Variants in ADCY5 observed in about 807,000 individuals in gnomAD.
The protein encoded by ADCY5 is adenylate cyclase type 5.
ADCY5 carries 30 observed loss-of-function variants against 119.7 expected under a neutral mutation model. The observed-to-expected ratio is 0.25, with a 90% CI of 0.19 to 0.34. The LOEUF (loss-of-function observed/expected upper bound fraction) is 0.34, where lower values mean the gene tolerates loss of function less well. Among genes scored for constraint, ADCY5 ranks in the 10% least tolerant of loss-of-function variants. The pLI is 1.00. For missense variants in ADCY5, 1,324 were observed against 1,775.2 expected (o/e 0.75, Z 4.57); for synonymous variants, 753 against 762.2 (o/e 0.99, Z 0.20).
intron 1 of ADCY5, among the ~76,000 whole-genome samples, chr3:123,387,974 T>C (rs1044306529): frequency 1.3e-5 from 2 of 152,128 alleles, no homozygotes; most frequent in Non-Finnish European, 2.9e-5. Flanking sequence ...TTGAGGTGGG[T>C]TCTGGAATGC....
rs370108054 is a variant in ADCY5 at position 123,289,663 on chromosome 3, C to T, written c.3532+87G>A. ...GCCTTCTACCTTGGGACCACAATGG[C>T]GGATGCGGTATGGGGTATGGGGGAG... is the stretch of plus-strand genomic sequence containing the variant. On this transcript the variant is annotated intron_variant, in intron 19 of 20. Transcript: ENST00000462833. 113 of 1,481,400 alleles carry T rather than the reference C, an allele frequency of 7.6e-5. 1 individual carries two copies. The highest frequency in any genetic ancestry group is 5.1e-4 in the South Asian group (44 of 86,240). 91.8% of individuals were successfully genotyped at this position (1,481,400 alleles called of 1,614,324 possible). A position where few individuals can be genotyped will look rare whatever the true frequency, so the allele number is the denominator to read the frequency against.
intron 1 of ADCY5, among the ~76,000 whole-genome samples, chr3:123,372,663 C>T (rs1186836948): frequency 6.6e-6 from 1 of 152,180 alleles, no homozygotes; most frequent in African/African-American, 2.4e-5. Context: ...CTGTGCCCCA[C>T]ACCAGCAACA....
intron 1 of ADCY5, among the ~76,000 whole-genome samples, chr3:123,393,563 A>T (rs1278488128): frequency 6.7e-6 from 1 of 149,072 alleles, no homozygotes; most frequent in Non-Finnish European, 1.5e-5. Flanking sequence ...TTTCTAAAAA[A>T]TTAAAATAAA....
chr3:123,356,775 G>T (rs1390899565), intron 1 of ADCY5, among the ~76,000 whole-genome samples: 1 of 152,070 alleles, frequency 6.6e-6, no homozygotes, highest in African/African-American at 2.4e-5. Flanking sequence ...AGCTACTTTG[G>T]AAAACAGTTC....
At chr3:123,331,158 GGCATGGT>G in intron 4 of ADCY5, 142 bp from the exon 5 acceptor site, 1 of 878,640 alleles carries the variant, frequency 1.1e-6, no homozygotes, top group Non-Finnish European at 1.7e-6. Context: ...GCCGGAACTC[GGCATGGT>G]CCTGGGACAG....
chr3:123,448,808 G>C lies in ADCY5; in HGVS notation c.-263C>G. ...GAGTTGCCTCCGAGGTGGGGTCGCAGGGACTGGTCTGGCTGCTGCTGCGCC... is the reference window on the plus strand; with the variant it reads ...GAGTTGCCTCCGAGGTGGGGTCGCACGGACTGGTCTGGCTGCTGCTGCGCC... On this transcript the variant is annotated 5_prime_UTR_variant, in exon 1 of 21. Transcript: ENST00000462833. The C allele has an allele frequency of 5.4e-6, 2 of 367,774 alleles. No homozygotes were observed. Among genetic ancestry groups the C allele is most frequent in the Non-Finnish European group, 4.8e-6 (1 of 206,414 alleles). 22.8% of individuals were successfully genotyped at this position (367,774 alleles called of 1,614,324 possible). A position where few individuals can be genotyped will look rare whatever the true frequency, so the allele number is the denominator to read the frequency against.
In ADCY5 at chr3:123,310,103, TACACACACACACACAC is replaced by T. The variant is rs60966110; in HGVS notation, c.2442+4116_2442+4131del. Among the ~76,000 whole-genome samples, 43 of 121,218 alleles carry T rather than the reference TACACACACACACACAC, an allele frequency of 3.5e-4. No individual in the cohort carries two copies. The East Asian group carries it at 4.1e-3, about 12-fold the overall frequency. The allele number at this position is 121,218 out of a possible 152,430, so 79.5% of individuals were successfully genotyped here. On this transcript the variant is annotated intron_variant, in intron 12 of 20. Coordinates refer to ENST00000462833, the MANE Select transcript of ADCY5 (RefSeq NM_183357.3). ...GGCTGGGGGATAAGAGAGAGAGATT[TACACACACACACACAC>T]ACACACACACACACACACACACACA...
rs55991834 is a variant in ADCY5 at position 123,290,112 on chromosome 3, C to T, written c.3328-158G>A. Among the ~76,000 whole-genome samples the T allele has an allele frequency of 1.4e-3, 207 of 152,234 alleles. 1 individual carries two copies. The highest frequency in any genetic ancestry group is 2.2e-3 in the Admixed American group (33 of 15,296). ...TCTCCATCCTCATCAGTGTGATGCC[C>T]GCAACGCTCCTGACACAGCCAGGCC... On this transcript the variant is annotated intron_variant, in intron 18 of 20. Coordinates refer to ENST00000462833, the MANE Select transcript of ADCY5 (RefSeq NM_183357.3).
chr3:123,405,326 C>G (rs1180466239), intron 1 of ADCY5, among the ~76,000 whole-genome samples: 1 of 152,228 alleles, frequency 6.6e-6, no homozygotes, highest in Non-Finnish European at 1.5e-5. Flanking sequence ...CAGTCTAGAG[C>G]ACAGGATGGA....
chr3:123,326,331 G>A (rs1359277567), intron 7 of ADCY5, among the ~76,000 whole-genome samples: 2 of 152,210 alleles, frequency 1.3e-5, no homozygotes, highest in Non-Finnish European at 2.9e-5. Flanking sequence ...CCAAATGGGT[G>A]CAAGAGAGCT....
intron 1 of ADCY5, among the ~76,000 whole-genome samples, chr3:123,365,887 G>C (rs1040554516): frequency 3.3e-5 from 5 of 152,074 alleles, no homozygotes; most frequent in African/African-American, 1.2e-4. Flanking sequence ...TCCAGAGGCA[G>C]AGGGAGGGGA....
chr3:123,343,345 C>A (rs1942375312), intron 3 of ADCY5, among the ~76,000 whole-genome samples: 1 of 152,182 alleles, frequency 6.6e-6, no homozygotes, highest in Non-Finnish European at 1.5e-5. Flanking sequence ...GAGTGAATGG[C>A]CATCCCATGT....
chr3:123,353,921 C>T (rs887250685), intron 1 of ADCY5, among the ~76,000 whole-genome samples: 3 of 152,180 alleles, frequency 2.0e-5, no homozygotes, highest in Non-Finnish European at 2.9e-5. Flanking sequence ...TGAAGACTTT[C>T]TCTTTCCTAT....
chr3:123,323,792 T>C (rs959661476), intron 8 of ADCY5, among the ~76,000 whole-genome samples: 11 of 152,032 alleles, frequency 7.2e-5, no homozygotes, highest in Non-Finnish European at 1.6e-4. Flanking sequence ...CCCGAGTAGC[T>C]AGGACTGAAG....
chr3:123,297,007 T>A (rs1049312040), intron 16 of ADCY5: 11 of 1,535,870 alleles, frequency 7.2e-6, no homozygotes, highest in Non-Finnish European at 9.6e-6. Flanking sequence ...AGAGGGAAAG[T>A]AGGTACCAGC....
intron 1 of ADCY5, among the ~76,000 whole-genome samples, chr3:123,407,641 G>A (rs1944934798): frequency 6.8e-6 from 1 of 147,376 alleles, no homozygotes; most frequent in Admixed American, 6.8e-5. Flanking sequence ...TGCACCTGCA[G>A]TCTCAGCTAC....
chr3:123,293,221 C>A (rs1398447767), intron 17 of ADCY5, among the ~76,000 whole-genome samples: 3 of 152,184 alleles, frequency 2.0e-5, no homozygotes, highest in Non-Finnish European at 4.4e-5. Context: ...TAGGAGGGGG[C>A]CAGGCAGGCG....
At chr3:123,370,674 C>G (rs1439096579) in intron 1 of ADCY5, among the ~76,000 whole-genome samples, 2 of 152,190 alleles carry the variant, frequency 1.3e-5, no homozygotes, top group African/African-American at 4.8e-5. Flanking sequence ...AATAAATTCC[C>G]ATCTTCTTAA....
At chr3:123,361,026 T>C (rs1316535373) in intron 1 of ADCY5, among the ~76,000 whole-genome samples, 2 of 152,204 alleles carry the variant, frequency 1.3e-5, no homozygotes, top group African/African-American at 4.8e-5. Context: ...CATCCTACTC[T>C]ACTGTACTAA....
Sources: allele counts gnomAD v4.1 joint callset (sites outside exome capture counted in the v4.1 genomes callset), GRCh38; gene constraint gnomAD v4.1.1; transcripts MANE v1.5; gene names NCBI Gene and HGNC (gene_info 2026-07-23, HGNC 2026-07-21).